SLC22A23: variants seen among roughly 807,000 people sequenced by gnomAD.
SLC22A23 encodes the protein solute carrier family 22 member 23.
In SLC22A23, 26 loss-of-function variants were observed where a neutral mutation model predicts 61.0. The ratio of observed to expected loss-of-function variants is 0.43; its 90% confidence interval spans 0.31 to 0.59. SLC22A23 has a LOEUF of 0.59. Ranked by LOEUF, SLC22A23 falls within the 20% of genes least tolerant of loss-of-function variation. SLC22A23 has a pLI of 0.11. For synonymous variants in SLC22A23, 430 were observed against 413.9 expected (o/e 1.04, Z -0.47); for missense variants, 796 against 934.7 (o/e 0.85, Z 1.94).
chr6:3,307,486 A>C (rs1235252048), intron 4 of SLC22A23, among the ~76,000 whole-genome samples: 1 of 152,242 alleles, frequency 6.6e-6, no homozygotes, highest in Non-Finnish European at 1.5e-5. Flanking sequence ...GCAGAACCCA[A>C]CTGGGATACC....
chr6:3,453,063 C>T (rs894958857), intron 1 of SLC22A23, among the ~76,000 whole-genome samples: 1 of 152,146 alleles, frequency 6.6e-6, no homozygotes, highest in Non-Finnish European at 1.5e-5. Context: ...CATCAATCCC[C>T]TCTTTGGGTT....
chr6:3,370,509 C>T (rs1205173095), intron 3 of SLC22A23, among the ~76,000 whole-genome samples: 2 of 152,274 alleles, frequency 1.3e-5, no homozygotes, highest in African/African-American at 2.4e-5. Flanking sequence ...GATACACACA[C>T]AGCCCTTGAG....
intron 8 of SLC22A23, 60 bp downstream of exon 8, chr6:3,285,019 A>T: frequency 6.3e-7 from 1 of 1,598,246 alleles, no homozygotes; most frequent in Non-Finnish European, 8.5e-7. Context: ...GTCTTCGAGA[A>T]AACACCCATT....
At chr6:3,335,645 A>G (rs1294753907) in intron 3 of SLC22A23, among the ~76,000 whole-genome samples, 2 of 152,194 alleles carry the variant, frequency 1.3e-5, no homozygotes, top group Admixed American at 1.3e-4. Context: ...TGGACTGGCA[A>G]ATAGATGCTA....
chr6:3,378,188 C>A (rs1766707790), intron 3 of SLC22A23, among the ~76,000 whole-genome samples: 1 of 152,192 alleles, frequency 6.6e-6, no homozygotes, highest in Non-Finnish European at 1.5e-5. Context: ...GTACTTTTTG[C>A]TCAGCTGACC....
intron 9 of SLC22A23, among the ~76,000 whole-genome samples, chr6:3,275,935 C>G (rs562877409): frequency 6.6e-6 from 1 of 152,374 alleles, no homozygotes; most frequent in African/African-American, 2.4e-5. Flanking sequence ...AGGCCAGACA[C>G]AGTGGCTCAT....
intron 9 of SLC22A23, among the ~76,000 whole-genome samples, chr6:3,277,143 C>T (rs1758985581): frequency 6.6e-6 from 1 of 152,158 alleles, no homozygotes; most frequent in Non-Finnish European, 1.5e-5. Flanking sequence ...TAGGGGGCAG[C>T]TGGGTGTAGG....
chr6:3,372,210 T>G lies in SLC22A23; in HGVS notation c.913+37978A>C, dbSNP rs1238019608. Reference sequence around the variant, plus strand: ...GCTGGACCACTTGGGACTCTGAATATGCAAGGGAAGGGCAAGGAAGTCTGA... The same window carrying G: ...GCTGGACCACTTGGGACTCTGAATAGGCAAGGGAAGGGCAAGGAAGTCTGA... On this transcript the variant is annotated intron_variant, in intron 3 of 9. Transcript: ENST00000406686. This position sits in a 1 kb window ranked among gnomAD's most constrained non-coding sequence, Gnocchi z 4.7. Among the ~76,000 whole-genome samples the G allele has an allele frequency of 1.3e-5, 2 of 152,134 alleles. No homozygotes were observed. Among genetic ancestry groups the G allele is most frequent in the Non-Finnish European group, 2.9e-5 (2 of 68,030 alleles).
intron 3 of SLC22A23, among the ~76,000 whole-genome samples, chr6:3,345,290 GAAA>G (rs1178567842): frequency 2.0e-5 from 3 of 150,510 alleles, no homozygotes; most frequent in African/African-American, 7.3e-5. Flanking sequence ...GTCAACTTAA[GAAA>G]ACAACTTCTT....
chr6:3,295,713 GAC>G (rs1761030166), intron 5 of SLC22A23, among the ~76,000 whole-genome samples: 1 of 152,202 alleles, frequency 6.6e-6, no homozygotes, highest in South Asian at 2.1e-4. Context: ...GCAACTGAAA[GAC>G]ACGCTGCCTT....
At chr6:3,351,304 G>T (rs6917534) in intron 3 of SLC22A23, among the ~76,000 whole-genome samples, 22 of 152,158 alleles carry the variant, frequency 1.4e-4, no homozygotes, top group African/African-American at 5.3e-4. Context: ...CAGTGTAATC[G>T]GAGTGCGGTG....
At chr6:3,429,667 G>A (rs780739098) in intron 1 of SLC22A23, among the ~76,000 whole-genome samples, 1 of 152,166 alleles carries the variant, frequency 6.6e-6, no homozygotes, top group Non-Finnish European at 1.5e-5. Flanking sequence ...GTTCACTGAC[G>A]GATGAACAAA....
rs1292165089 is a variant in SLC22A23, at chr6:3,360,390, A to G, written c.914-36388T>C. 1.3e-5 allele frequency among the ~76,000 whole-genome samples: 2 copies of G among 152,168 alleles called. No individual in the cohort carries two copies. Among genetic ancestry groups the G allele is most frequent in the Non-Finnish European group, 2.9e-5 (2 of 68,026 alleles). On this transcript the variant is annotated intron_variant, in intron 3 of 9. Transcript: ENST00000406686. The surrounding 1 kb of genome is among the most constrained non-coding windows in gnomAD (Gnocchi z 4.6). Reference sequence around the variant, plus strand: ...TGTGCCCCGCCCACCCATCCACCCAAGGATCCTTAAACTCAGGAGGATCAG... The same window carrying G: ...TGTGCCCCGCCCACCCATCCACCCAGGGATCCTTAAACTCAGGAGGATCAG...
chr6:3,349,529 C>G (rs764601504), intron 3 of SLC22A23, among the ~76,000 whole-genome samples: 4 of 152,180 alleles, frequency 2.6e-5, no homozygotes, highest in Non-Finnish European at 5.9e-5. Context: ...CCAAAATATA[C>G]CTTCCTTCCT....
At chr6:3,404,841 C>T (rs1768686461) in intron 3 of SLC22A23, among the ~76,000 whole-genome samples, 1 of 152,110 alleles carries the variant, frequency 6.6e-6, no homozygotes. Context: ...AGTTTGCCCG[C>T]AGGGTTAGTA....
At chr6:3,306,832 C>A (rs975201718) in intron 4 of SLC22A23, among the ~76,000 whole-genome samples, 18 of 152,220 alleles carry the variant, frequency 1.2e-4, no homozygotes, top group African/African-American at 4.3e-4. Context: ...CCGTTCAGGA[C>A]AAGGACGCTG....
chr6:3,324,145 T>A lies in SLC22A23; in HGVS notation c.914-143A>T. On this transcript the variant is annotated intron_variant, in intron 3 of 9. Transcript: ENST00000406686. This position sits in a 1 kb window ranked among gnomAD's most constrained non-coding sequence, Gnocchi z 4.3. Reference sequence around the variant, plus strand: ...TGCTGCCCACCACAAGTGCCCTATGTGGTGTGCCAGTGTTTTACGGGCGCG... The same window carrying A: ...TGCTGCCCACCACAAGTGCCCTATGAGGTGTGCCAGTGTTTTACGGGCGCG... 9.8e-7 allele frequency: 1 copy of A among 1,024,834 alleles called. No homozygotes were observed. The highest frequency in any genetic ancestry group is 1.4e-6 in the Non-Finnish European group (1 of 708,128). 63.5% of individuals were successfully genotyped at this position (1,024,834 alleles called of 1,614,324 possible).
In SLC22A23 at chr6:3,324,841, T is replaced by A. The variant is rs1763184253; in HGVS notation, c.914-839A>T. ...CCACGGCCCCTCTTATTTGCAAGAA[T>A]CTATTCTTTTACTTTGACCTTGAGT... On this transcript the variant is annotated intron_variant, in intron 3 of 9. Coordinates refer to ENST00000406686, the MANE Select transcript of SLC22A23 (RefSeq NM_015482.2). The surrounding 1 kb of genome is among the most constrained non-coding windows in gnomAD (Gnocchi z 4.3). Among the ~76,000 whole-genome samples, 1 of 152,228 alleles carries A rather than the reference T, an allele frequency of 6.6e-6. No homozygotes were observed. Among genetic ancestry groups the A allele is most frequent in the African/African-American group, 2.4e-5 (1 of 41,454 alleles).
In SLC22A23 at chr6:3,328,616, G is replaced by T. The variant is rs1209727925; in HGVS notation, c.914-4614C>A. On this transcript the variant is annotated intron_variant, in intron 3 of 9. Transcript: ENST00000406686. This position sits in a 1 kb window ranked among gnomAD's most constrained non-coding sequence, Gnocchi z 5.0. ...ATCTGTTGAAAGACCTGAACATAGG[G>T]CCGAGGCTTCCTTGAGGAGGAAGAA... is the stretch of plus-strand genomic sequence containing the variant. 6.6e-6 allele frequency among the ~76,000 whole-genome samples: 1 copy of T among 152,064 alleles called. No individual in the cohort carries two copies. The highest frequency in any genetic ancestry group is 1.5e-5 in the Non-Finnish European group (1 of 68,018).
Sources: gnomAD v4.1 joint callset for allele counts (sites outside exome capture counted in the v4.1 genomes callset) on GRCh38, gnomAD v4.1.1 for gene constraint, Gnocchi (gnomAD v3.1) non-coding constraint, MANE v1.5 for transcripts, NCBI Gene and HGNC (gene_info 2026-07-23, HGNC 2026-07-21) for gene names.